LRP5: variants seen among roughly 807,000 people sequenced by gnomAD.
LRP5 encodes the protein LDL receptor related protein 5.
LRP5 carries 62 observed loss-of-function variants against 154.1 expected under a neutral mutation model. The ratio of observed to expected loss-of-function variants is 0.40; its 90% CI spans 0.33 to 0.50. The LOEUF (loss-of-function observed/expected upper bound fraction) is 0.50, where lower values mean the gene tolerates loss of function less well. Among genes scored for constraint, LRP5 ranks in the 20% least tolerant of loss-of-function variants. LRP5 has a pLI of 0.55. For synonymous variants in LRP5, 966 were observed against 1,011.5 expected, an observed-to-expected ratio of 0.96 and a Z score of 0.85; for missense variants, 1,915 against 2,336.7, an observed-to-expected ratio of 0.82 and a Z score of 3.72.
At chr11:68,343,185 G>A (rs922093532) in intron 1 of LRP5, among the ~76,000 whole-genome samples, 2 of 152,340 alleles carry the variant, frequency 1.3e-5, no homozygotes, top group Admixed American at 1.3e-4. Flanking sequence ...CACCCACGGT[G>A]GTGGGGGCTC....
At chr11:68,362,807 T>C (rs1475612846) in intron 3 of LRP5, among the ~76,000 whole-genome samples, 2 of 152,138 alleles carry the variant, frequency 1.3e-5, no homozygotes, top group African/African-American at 4.8e-5. Context: ...AGCCCACAGC[T>C]CCCATCTTCC....
chr11:68,420,329 C>A (rs1043406694), intron 13 of LRP5, among the ~76,000 whole-genome samples: 1 of 152,188 alleles, frequency 6.6e-6, no homozygotes, highest in African/African-American at 2.4e-5. Flanking sequence ...TGACTGGCTT[C>A]TTTCATGTGA....
chr11:68,301,907 C>T, the LRP5 span, among the ~76,000 whole-genome samples: 3 of 151,780 alleles, frequency 2.0e-5, no homozygotes, highest in East Asian at 3.9e-4. Context: ...GGATTACAGG[C>T]GTGAGCCACC....
intron 18 of LRP5, among the ~76,000 whole-genome samples, chr11:68,434,539 C>G (rs372635577): frequency 6.6e-6 from 1 of 152,164 alleles, no homozygotes; most frequent in East Asian, 1.9e-4. Flanking sequence ...ACCACCATGC[C>G]TGGCTAATTT....
intron 5 of LRP5, among the ~76,000 whole-genome samples, chr11:68,381,418 G>A (rs1382638309): frequency 3.9e-5 from 6 of 152,144 alleles, no homozygotes; most frequent in African/African-American, 1.2e-4. Flanking sequence ...TGTCCATGAC[G>A]TCGGCCATCC....
chr11:68,302,003 C>T, the LRP5 span, among the ~76,000 whole-genome samples: 1 of 151,518 alleles, frequency 6.6e-6, no homozygotes, highest in East Asian at 1.9e-4. Context: ...TCTATTTTTG[C>T]CTGGAAAAAT....
At chr11:68,330,503 G>A (rs374006306) in intron 1 of LRP5, among the ~76,000 whole-genome samples, 45 of 152,228 alleles carry the variant, frequency 3.0e-4, no homozygotes, top group African/African-American at 1.1e-3. Context: ...ATCTCTGCCC[G>A]ACCCAGACAG....
At chr11:68,390,227 G>A (rs1373750032) in intron 7 of LRP5, among the ~76,000 whole-genome samples, 175 bp downstream of exon 7, 3 of 152,210 alleles carry the variant, frequency 2.0e-5, no homozygotes, top group East Asian at 1.9e-4. Context: ...AGAGGGTAGC[G>A]CTATACAACG....
rs183123027 is a variant in LRP5 at position 68,385,781 on chromosome 11, G to A, written c.1016-535G>A. On this transcript the variant is annotated intron_variant, in intron 5 of 22. Transcript: ENST00000294304. ...GCCCTGCCTAGGAGCCCCCCGGCAC[G>A]GTGCTGGGGCCTGAAGCCGCCCTCG... is the stretch of plus-strand genomic sequence containing the variant. 3.8e-4 allele frequency among the ~76,000 whole-genome samples: 58 copies of A among 152,260 alleles called. No individual in the cohort carries two copies. The East Asian group carries it at 9.1e-3, about 24-fold the overall frequency.
Position 68,449,178 on chromosome 11 carries a change from T to A in LRP5, c.*108T>A. On this transcript the variant is annotated 3_prime_UTR_variant, in exon 23 of 23. Coordinates refer to ENST00000294304, the MANE Select transcript of LRP5 (RefSeq NM_002335.4). ...TAAAAAATAAATATAATTGGGATTTTAAAAACATGAGAAATGTGAACTGTG... is the reference window on the plus strand; with the variant it reads ...TAAAAAATAAATATAATTGGGATTTAAAAAACATGAGAAATGTGAACTGTG... 1.4e-5 allele frequency: 10 copies of A among 717,992 alleles called. No homozygotes were observed. Among genetic ancestry groups the A allele is most frequent in the African/African-American group, 1.8e-5 (1 of 55,358 alleles). The allele number at this position is 717,992 out of a possible 1,614,324, so 44.5% of individuals were successfully genotyped here.
At chr11:68,448,787 C>T (rs772241165) in intron 22 of LRP5, 22 bp from the exon 23 acceptor site, 1 of 1,601,612 alleles carries the variant, frequency 6.2e-7, no homozygotes, top group Non-Finnish European at 8.5e-7. Context: ...GAATCCCACT[C>T]CTCTGTGTGT....
At chr11:68,396,840 A>C (rs1270493385) in intron 7 of LRP5, among the ~76,000 whole-genome samples, 4 of 152,156 alleles carry the variant, frequency 2.6e-5, no homozygotes, top group African/African-American at 9.7e-5. Flanking sequence ...CACCCAGGGC[A>C]GTCCTGACAC....
chr11:68,428,842 A>G (rs953917505), intron 16 of LRP5, among the ~76,000 whole-genome samples: 3 of 123,134 alleles, frequency 2.4e-5, no homozygotes, highest in African/African-American at 9.6e-5. Context: ...GCACTTTAGG[A>G]AGCTGAAGCG....
At chr11:68,397,198 G>T (rs550433928) in intron 7 of LRP5, among the ~76,000 whole-genome samples, 2 of 152,158 alleles carry the variant, frequency 1.3e-5, no homozygotes, top group Non-Finnish European at 2.9e-5. Flanking sequence ...TCAGCCAGGG[G>T]AAGGCCTGGC....
chr11:68,329,582 C>T (rs1591181164), intron 1 of LRP5, among the ~76,000 whole-genome samples: 1 of 152,330 alleles, frequency 6.6e-6, no homozygotes, highest in East Asian at 1.9e-4. Context: ...CCTCAGCCTG[C>T]CCATTTAATG....
chr11:68,378,528 ACC>A (rs2098638646), intron 5 of LRP5, among the ~76,000 whole-genome samples: 2 of 89,888 alleles, frequency 2.2e-5, no homozygotes, highest in African/African-American at 8.2e-5. Context: ...CCCACCTCCC[ACC>A]TCCCTTAGAG....
At chr11:68,324,932 T>C in intron 1 of LRP5, among the ~76,000 whole-genome samples, 1 of 152,202 alleles carries the variant, frequency 6.6e-6, no homozygotes, top group South Asian at 2.1e-4. Context: ...CTGGGCGGCC[T>C]CCTTGCTGTG....
At chr11:68,340,959 C>T (rs573944277) in intron 1 of LRP5, among the ~76,000 whole-genome samples, 157 of 150,972 alleles carry the variant, frequency 1.0e-3, no homozygotes, top group African/African-American at 3.7e-3. Flanking sequence ...GTTGACATGT[C>T]GAACGTTTTG....
chr11:68,336,376 A>T (rs556407656), intron 1 of LRP5, among the ~76,000 whole-genome samples: 1 of 152,380 alleles, frequency 6.6e-6, no homozygotes, highest in South Asian at 2.1e-4. Flanking sequence ...TTCCTGAATG[A>T]GGGCTGTAAC....
Sources: gnomAD v4.1 joint callset for allele counts (sites outside exome capture counted in the v4.1 genomes callset) on GRCh38, gnomAD v4.1.1 for gene constraint, MANE v1.5 for transcripts, NCBI Gene and HGNC (gene_info 2026-07-23, HGNC 2026-07-21) for gene names.